Variants in GMPS observed in about 807,000 individuals in gnomAD.
The protein encoded by GMPS is GMP synthase [glutamine-hydrolyzing].
A neutral mutation model predicts 77.9 loss-of-function variants in GMPS; 15 were observed. The observed-to-expected ratio is 0.19, with a 90% confidence interval of 0.13 to 0.30. The LOEUF (loss-of-function observed/expected upper bound fraction) is 0.30. Ranked by LOEUF, GMPS falls within the 10% of genes least tolerant of loss-of-function variation. The pLI is 1.00. For synonymous variants in GMPS, 224 were observed against 275.9 expected, an observed-to-expected ratio of 0.81 and a Z score of 1.86; for missense variants, 590 against 838.8, an observed-to-expected ratio of 0.70 and a Z score of 3.66.
At chr3:155,934,469 C>T (rs1208793229) in intron 13 of GMPS, among the ~76,000 whole-genome samples, 1 of 152,142 alleles carries the variant, frequency 6.6e-6, no homozygotes, top group Admixed American at 6.5e-5. Flanking sequence ...ATCTGTGTAT[C>T]CAAATTTCCC....
chr3:155,942,887 A>G lies in GMPS; in HGVS notation c.*5195A>G, dbSNP rs1217324219. On this transcript the variant is annotated 3_prime_UTR_variant, in exon 16 of 16. Transcript: ENST00000496455. ...ACTAGAGATTACCTAGCTGCAACCTAAGTTTCCTGAATTAGAATCATTTGA... is the reference window on the plus strand; with the variant it reads ...ACTAGAGATTACCTAGCTGCAACCTGAGTTTCCTGAATTAGAATCATTTGA... 5.0e-6 allele frequency: 1 copy of G among 201,024 alleles called. No individual in the cohort carries two copies. The highest frequency in any genetic ancestry group is 2.3e-5 in the African/African-American group (1 of 43,506). The allele number at this position is 201,024 out of a possible 1,614,324, so 12.5% of individuals were successfully genotyped here. A position where few individuals can be genotyped will look rare whatever the true frequency, so the allele number is the denominator to read the frequency against.
rs1171275758 is a variant in GMPS at position 155,874,901 on chromosome 3, CTTTTTTTT to C, written c.27+4021_27+4028del. ...GTAGTACATTCTTAAACTTTGTTTT[CTTTTTTTT>C]TTTTTTTTTTTTTTTTGAGACAGAG... On this transcript the variant is annotated intron_variant, in intron 1 of 15. Transcript: ENST00000496455. Among the ~76,000 whole-genome samples the C allele has an allele frequency of 1.7e-3, 119 of 71,410 alleles. 1 individual carries two copies. The highest frequency in any genetic ancestry group is 6.4e-3 in the African/African-American group (115 of 18,080). The allele number at this position is 71,410 out of a possible 152,430, so 46.8% of individuals were successfully genotyped here.
chr3:155,885,776 A>G (rs1754320847), intron 1 of GMPS, among the ~76,000 whole-genome samples: 1 of 152,198 alleles, frequency 6.6e-6, no homozygotes, highest in African/African-American at 2.4e-5. Context: ...TTATTTAGAC[A>G]AACTTGAAAG....
chr3:155,930,565 G>C (rs1755587961), intron 12 of GMPS, among the ~76,000 whole-genome samples: 1 of 151,958 alleles, frequency 6.6e-6, no homozygotes. Flanking sequence ...CCATCAGAGT[G>C]AACAGGCAAC....
chr3:155,929,426 T>A (rs1276522095), intron 12 of GMPS, among the ~76,000 whole-genome samples: 1 of 151,730 alleles, frequency 6.6e-6, no homozygotes, highest in Non-Finnish European at 1.5e-5. Context: ...GGGCAAAAAC[T>A]GGAAGCATTC....
intron 3 of GMPS, among the ~76,000 whole-genome samples, chr3:155,900,596 A>G (rs1754712639): frequency 6.6e-6 from 1 of 152,156 alleles, no homozygotes; most frequent in East Asian, 1.9e-4. Flanking sequence ...AATTTAAGAG[A>G]TAATGGCTTA....
intron 14 of GMPS, 31 bp from the exon 15 acceptor site, chr3:155,936,304 TGTG>T (rs775257313): frequency 7.0e-7 from 1 of 1,431,524 alleles, no homozygotes; most frequent in South Asian, 1.1e-5. Context: ...TTTTCTATGG[TGTG>T]GTGATTGGTT....
intron 14 of GMPS, among the ~76,000 whole-genome samples, chr3:155,935,830 C>T (rs1755752727): frequency 6.6e-6 from 1 of 152,148 alleles, no homozygotes; most frequent in African/African-American, 2.4e-5. Flanking sequence ...GTTAGATAAA[C>T]TTCATTCAGG....
chr3:155,872,003 T>A (rs1253867074), intron 1 of GMPS, among the ~76,000 whole-genome samples: 2 of 152,204 alleles, frequency 1.3e-5, no homozygotes, highest in African/African-American at 4.8e-5. Flanking sequence ...ATTTACTTCA[T>A]TAAGATACAC....
intron 5 of GMPS, among the ~76,000 whole-genome samples, chr3:155,908,494 T>A (rs1021620358): frequency 3.3e-5 from 5 of 152,200 alleles, no homozygotes; most frequent in African/African-American, 9.7e-5. Flanking sequence ...CGGTTTTTTC[T>A]ACAGCAGTAG....
rs1755897628 is a variant in GMPS at position 155,941,744 on chromosome 3, C to T, written c.*4052C>T. 1 of 221,076 alleles carries T rather than the reference C, an allele frequency of 4.5e-6. No individual in the cohort carries two copies. The highest frequency in any genetic ancestry group is 2.2e-5 in the African/African-American group (1 of 44,646). The allele number at this position is 221,076 out of a possible 1,614,324, so 13.7% of individuals were successfully genotyped here. A position where few individuals can be genotyped will look rare whatever the true frequency, so the allele number is the denominator to read the frequency against. ...TGTTCTTACTGAAGTAGTTTAACAC[C>T]ACCAGATGATCAAGGGATCAGGGTA... is the stretch of plus-strand genomic sequence containing the variant. On this transcript the variant is annotated 3_prime_UTR_variant, in exon 16 of 16. Coordinates refer to ENST00000496455, the MANE Select transcript of GMPS (RefSeq NM_003875.3).
chr3:155,921,793 T>TA (rs1316657019), intron 10 of GMPS, among the ~76,000 whole-genome samples: 1 of 151,958 alleles, frequency 6.6e-6, no homozygotes. Context: ...CTCTATCTCT[T>TA]AAAAAAAGGG....
Position 155,911,203 on chromosome 3 carries a change from T to C in GMPS, c.810T>C (p.Ile270=). The stretch of plus-strand genomic sequence containing the variant: ...AAGAACAAGTCATTGCTGTGCACAT[T>C]GATAATGGCTTTATGAGAAAACGAG... ...LNQEQVIAVH[I]DNGFMRKRES... The change falls in exon 7 of 16, where the codon ATT becomes ATC. Residue 270 remains isoleucine, a synonymous_variant. Coordinates refer to ENST00000496455, the MANE Select transcript of GMPS (RefSeq NM_003875.3). The C allele has an allele frequency of 6.2e-7, 1 of 1,612,812 alleles. No individual in the cohort carries two copies. The highest frequency in any genetic ancestry group is 8.5e-7 in the Non-Finnish European group (1 of 1,178,936).
intron 1 of GMPS, among the ~76,000 whole-genome samples, chr3:155,875,101 A>G (rs1754011667): frequency 6.6e-6 from 1 of 151,940 alleles, no homozygotes; most frequent in East Asian, 1.9e-4. Context: ...TATTTTTAGT[A>G]GAGACAGGGT....
rs752944617 is a variant in GMPS at position 155,903,845 on chromosome 3, A to G, written c.325-18A>G. 3 of 1,121,300 alleles carry G rather than the reference A, an allele frequency of 2.7e-6. No individual in the cohort carries two copies. Among genetic ancestry groups the G allele is most frequent in the Admixed American group, 2.8e-5 (1 of 36,346 alleles). 69.5% of individuals were successfully genotyped at this position (1,121,300 alleles called of 1,614,324 possible). A position where few individuals can be genotyped will look rare whatever the true frequency, so the allele number is the denominator to read the frequency against. On this transcript the variant is annotated intron_variant, in intron 3 of 15. Transcript: ENST00000496455. ...TTTCTTTTGATTTCTATTAACATTA[A>G]TTTTTTTCTTTGAACAGATGATGAA...
At chr3:155,870,920 C>T in intron 1 of GMPS, 23 bp downstream of exon 1, 1 of 1,462,184 alleles carries the variant, frequency 6.8e-7, no homozygotes. Flanking sequence ...GTCCCTGCAG[C>T]ACCGCATCCC....
chr3:155,923,791 A>G (rs2108127918), intron 11 of GMPS, among the ~76,000 whole-genome samples: 1 of 152,310 alleles, frequency 6.6e-6, no homozygotes, highest in South Asian at 2.1e-4. Context: ...TATTCTTGAC[A>G]TATAGCCCTA....
In GMPS at chr3:155,926,689, G is replaced by A. The variant is rs113726058; in HGVS notation, c.1560+1323G>A. ...AATCTGTCAGTTTAAATTCCCCTTTGCTCTGAATTCATGCAGTTCTGCCTG... is the reference window on the plus strand; with the variant it reads ...AATCTGTCAGTTTAAATTCCCCTTTACTCTGAATTCATGCAGTTCTGCCTG... On this transcript the variant is annotated intron_variant, in intron 12 of 15. Coordinates refer to ENST00000496455, the MANE Select transcript of GMPS (RefSeq NM_003875.3). Among the ~76,000 whole-genome samples the A allele has an allele frequency of 5.2e-4, 79 of 152,172 alleles. 4 individuals are homozygous for A. The highest frequency in any genetic ancestry group is 1.8e-3 in the African/African-American group (76 of 41,504).
chr3:155,929,686 G>A (rs1365826517), intron 12 of GMPS, among the ~76,000 whole-genome samples: 5 of 124,868 alleles, frequency 4.0e-5, no homozygotes, highest in African/African-American at 1.5e-4. Flanking sequence ...CAAAATCAAT[G>A]TACAAAAATC....
Sources: gnomAD v4.1 joint callset for allele counts (sites outside exome capture counted in the v4.1 genomes callset) on GRCh38, gnomAD v4.1.1 for gene constraint, MANE v1.5 for transcripts, NCBI Gene and HGNC (gene_info 2026-07-23, HGNC 2026-07-21) for gene names.